The following PITPNC1 variants were observed in gnomAD, a reference collection of about 807,000 sequenced individuals.
The protein encoded by PITPNC1 is cytoplasmic phosphatidylinositol transfer protein 1.
PITPNC1 carries 18 observed loss-of-function variants against 44.7 expected under a neutral mutation model. The ratio of observed to expected loss-of-function variants is 0.40; its 90% CI spans 0.28 to 0.60. PITPNC1 has a LOEUF of 0.60. Ranked by LOEUF, PITPNC1 falls within the 20% of genes least tolerant of loss-of-function variation. The pLI, the probability that PITPNC1 is intolerant of heterozygous loss-of-function variation, is 0.39. For missense variants in PITPNC1, 290 were observed against 418.4 expected (o/e 0.69, Z 2.68); for synonymous variants, 141 against 149.6 (o/e 0.94, Z 0.42).
chr17:67,575,293 G>A (rs865881627), intron 4 of PITPNC1, among the ~76,000 whole-genome samples: 1 of 152,138 alleles, frequency 6.6e-6, no homozygotes, highest in Non-Finnish European at 1.5e-5. Flanking sequence ...CTTCATTTGA[G>A]ATGAGCAGCT....
chr17:67,579,872 A>G (rs2041205951), intron 5 of PITPNC1, among the ~76,000 whole-genome samples: 1 of 151,924 alleles, frequency 6.6e-6, no homozygotes, highest in Non-Finnish European at 1.5e-5. Context: ...CCTGGGAGGC[A>G]GAGGTTGCAG....
intron 5 of PITPNC1, among the ~76,000 whole-genome samples, chr17:67,622,514 C>A (rs1224162401): frequency 4.2e-5 from 5 of 118,976 alleles, no homozygotes; most frequent in African/African-American, 1.3e-4. Context: ...GTAGCCTGGA[C>A]TTTTTTTTTT....
chr17:67,489,454 T>C lies in PITPNC1; in HGVS notation c.49-43348T>C, dbSNP rs111620110. Among the ~76,000 whole-genome samples, 919 of 152,336 alleles carry C rather than the reference T, an allele frequency of 6.0e-3. 9 individuals are homozygous for C. Among genetic ancestry groups the C allele is most frequent in the African/African-American group, 0.02 (849 of 41,576 alleles). ...CTTCCTTGGATGACAAAGATTGTGG[T>C]CACTATACAGTTATGGTGGCCTCAA... On this transcript the variant is annotated intron_variant, in intron 1 of 8. Coordinates refer to ENST00000581322, the MANE Select transcript of PITPNC1 (RefSeq NM_012417.4).
At chr17:67,421,672 C>T (rs530346398) in intron 1 of PITPNC1, among the ~76,000 whole-genome samples, 2 of 152,216 alleles carry the variant, frequency 1.3e-5, no homozygotes, top group Admixed American at 6.5e-5. Context: ...CAGATGGGTA[C>T]CCTCACCCCA....
chr17:67,501,189 G>A (rs1489780376), intron 1 of PITPNC1, among the ~76,000 whole-genome samples: 5 of 152,102 alleles, frequency 3.3e-5, no homozygotes, highest in Non-Finnish European at 5.9e-5. Flanking sequence ...GCCACCTAGA[G>A]GATAGCATTT....
At chr17:67,585,232 A>G (rs2041297989) in intron 5 of PITPNC1, among the ~76,000 whole-genome samples, 1 of 152,174 alleles carries the variant, frequency 6.6e-6, no homozygotes, top group Non-Finnish European at 1.5e-5. Context: ...AAGTGCTAGG[A>G]AAGCTATAAA....
intron 1 of PITPNC1, among the ~76,000 whole-genome samples, chr17:67,427,046 G>T (rs1455372925): frequency 6.6e-6 from 1 of 152,128 alleles, no homozygotes; most frequent in African/African-American, 2.4e-5. Context: ...GCACCGAGGT[G>T]CTGTCTCAGG....
chr17:67,682,988 C>G (rs1050419596), intron 8 of PITPNC1, among the ~76,000 whole-genome samples: 1 of 151,730 alleles, frequency 6.6e-6, no homozygotes, highest in Non-Finnish European at 1.5e-5. Context: ...GGTGAAACCC[C>G]GTCACTACTA....
In PITPNC1 at chr17:67,552,351, T is replaced by A. The variant is rs2040777460; in HGVS notation, c.286+6T>A. ...TTATCCCTACACAATTACAGGTAAGTCCTTAGTACAACCATATGGCACATG... is the reference window on the plus strand; with the variant it reads ...TTATCCCTACACAATTACAGGTAAGACCTTAGTACAACCATATGGCACATG... On this transcript the variant is annotated splice_donor_region_variant and intron_variant, in intron 3 of 8. Transcript: ENST00000581322. The A allele has an allele frequency of 7.1e-7, 1 of 1,401,476 alleles. No homozygotes were observed. The highest frequency in any genetic ancestry group is 1.4e-5 in the African/African-American group (1 of 70,910). The allele number at this position is 1,401,476 out of a possible 1,614,324, so 86.8% of individuals were successfully genotyped here. A position where few individuals can be genotyped will look rare whatever the true frequency, so the allele number is the denominator to read the frequency against.
At chr17:67,534,718 A>G (rs1038687944) in intron 2 of PITPNC1, among the ~76,000 whole-genome samples, 3 of 152,228 alleles carry the variant, frequency 2.0e-5, no homozygotes, top group Non-Finnish European at 4.4e-5. Context: ...TGTCCATTCC[A>G]GCAAACAAGT....
Position 67,575,853 on chromosome 17 carries a change from TC to T in PITPNC1, c.295-2332del, listed in dbSNP as rs2144225882. On this transcript the variant is annotated intron_variant, in intron 4 of 8. Coordinates refer to ENST00000581322, the MANE Select transcript of PITPNC1 (RefSeq NM_012417.4). ...TTCCTTCCTTCCTTCTTTCTTTCTT[TC>T]TTTCCTTCCTTCTTTCTTTCTTTCC... 3.3e-5 allele frequency among the ~76,000 whole-genome samples: 3 copies of T among 90,916 alleles called. 1 individual carries two copies. Among genetic ancestry groups the T allele is most frequent in the Non-Finnish European group, 6.2e-5 (3 of 48,304 alleles). 59.6% of individuals were successfully genotyped at this position (90,916 alleles called of 152,430 possible).
intron 1 of PITPNC1, among the ~76,000 whole-genome samples, chr17:67,450,638 G>C (rs982785421): frequency 2.6e-5 from 4 of 152,086 alleles, no homozygotes; most frequent in African/African-American, 7.2e-5. Flanking sequence ...TGTTGCCCAG[G>C]CTGGTCTCAA....
At chr17:67,501,845 A>T (rs2040034703) in intron 1 of PITPNC1, among the ~76,000 whole-genome samples, 1 of 152,144 alleles carries the variant, frequency 6.6e-6, no homozygotes. Flanking sequence ...AAAAAAAAAA[A>T]AAGTTTGAGG....
At chr17:67,645,283 G>T (rs2042134958) in intron 6 of PITPNC1, among the ~76,000 whole-genome samples, 1 of 151,432 alleles carries the variant, frequency 6.6e-6, no homozygotes, top group Admixed American at 6.6e-5. Flanking sequence ...GGAGGTTGCG[G>T]TGAGCCAAGA....
intron 1 of PITPNC1, among the ~76,000 whole-genome samples, chr17:67,442,977 A>G (rs2039036596): frequency 1.3e-5 from 2 of 152,098 alleles, no homozygotes; most frequent in South Asian, 4.2e-4. Context: ...GCTCTGGTCT[A>G]TTACAAAAGT....
chr17:67,438,118 A>G (rs2038962208), intron 1 of PITPNC1, among the ~76,000 whole-genome samples: 1 of 152,012 alleles, frequency 6.6e-6, no homozygotes, highest in South Asian at 2.1e-4. Context: ...AAGAAAAACA[A>G]AGATCCTAAG....
At chr17:67,546,539 C>T (rs954692086) in intron 2 of PITPNC1, among the ~76,000 whole-genome samples, 1 of 152,150 alleles carries the variant, frequency 6.6e-6, no homozygotes, top group Non-Finnish European at 1.5e-5. Flanking sequence ...AGGCTTTCCA[C>T]CTGGGTTCTG....
In PITPNC1 at chr17:67,645,930, G is replaced by T. The variant is rs1343970696; in HGVS notation, c.462+13692G>T. On this transcript the variant is annotated intron_variant, in intron 6 of 8. Transcript: ENST00000581322. ...ACTTGAGGCCAAGAGTTCGAGACCA[G>T]CCTGGCCAACCTGGCAAAAGCCTGT... Among the ~76,000 whole-genome samples the T allele has an allele frequency of 2.0e-5, 3 of 152,148 alleles. No homozygotes were observed. The East Asian group carries it at 5.8e-4, about 29-fold the overall frequency.
At chr17:67,647,464 G>GTTTTTTTTTTTTTTTTTT (rs60407940) in intron 6 of PITPNC1, among the ~76,000 whole-genome samples, 11 of 72,360 alleles carry the variant, frequency 1.5e-4, no homozygotes, top group African/African-American at 4.0e-4. Flanking sequence ...CTAATTTTGG[G>GTTTTTTTTTTTTTTTTTT]TTTTTTTTTT....
Sources: gnomAD v4.1 joint callset for allele counts (sites outside exome capture counted in the v4.1 genomes callset) on GRCh38, gnomAD v4.1.1 for gene constraint, MANE v1.5 for transcripts, NCBI Gene and HGNC (gene_info 2026-07-23, HGNC 2026-07-21) for gene names.